MTOR: variants seen among roughly 807,000 people sequenced by gnomAD.
MTOR encodes the protein serine/threonine-protein kinase mTOR.
Under a neutral mutation model 319.8 loss-of-function variants are expected in MTOR, and 70 were observed. The ratio of observed to expected loss-of-function variants is 0.22; its 90% CI spans 0.18 to 0.27. The LOEUF is 0.27. Ranked by LOEUF, MTOR falls within the 10% of genes least tolerant of loss-of-function variation. The probability of loss-of-function intolerance (pLI) is 1.00; values close to 1 mark genes in which losing one functional copy is unlikely to be tolerated. For synonymous variants in MTOR, 1,183 were observed against 1,211.4 expected (o/e 0.98, Z 0.49); for missense variants, 1,890 against 3,274.4 (o/e 0.58, Z 10.32).
At chr1:11,189,811 G>T (rs1367670072) in intron 28 of MTOR, 1 of 1,614,232 alleles carries the variant, frequency 6.2e-7, no homozygotes, top group Non-Finnish European at 8.5e-7. Context: ...GGTCAGCGTG[G>T]TCATGCAGGT....
chr1:11,148,248 A>G (rs948880910), intron 31 of MTOR, among the ~76,000 whole-genome samples: 5 of 152,180 alleles, frequency 3.3e-5, no homozygotes, highest in Non-Finnish European at 7.3e-5. Flanking sequence ...GCTAATGATA[A>G]TAGAGCCAAA....
Position 11,243,234 on chromosome 1 carries a change from G to A in MTOR, c.1292C>T (p.Thr431Ile), listed in dbSNP as rs1648330886. 6.8e-6 allele frequency: 11 copies of A among 1,614,104 alleles called. No individual in the cohort carries two copies. Among genetic ancestry groups the A allele is most frequent in the South Asian group, 1.1e-5 (1 of 91,090 alleles). The change falls in exon 9 of 58, where the codon ACA (threonine) becomes ATA (isoleucine). Residue 431 changes from threonine (T) to isoleucine (I), a missense_variant. Around this residue, in one of 15 missense-constraint regions of MTOR, gnomAD observed 418 missense variants for 543.1 expected, o/e 0.77. Coordinates refer to ENST00000361445, the MANE Select transcript of MTOR (RefSeq NM_004958.4). ...LSCVKKEKER[T>I]AAFQALGLLS... ...TAGCCCCAGGGCTTGGAAGGCCGCT[G>A]TACGTTCCTTCTCCTTCTTGACACA...
intron 19 of MTOR, among the ~76,000 whole-genome samples, chr1:11,220,159 A>C (rs965430921): frequency 6.6e-6 from 1 of 152,032 alleles, no homozygotes; most frequent in African/African-American, 2.4e-5. Context: ...CCTCACATTC[A>C]GGAAGCCCTC....
intron 28 of MTOR, among the ~76,000 whole-genome samples, chr1:11,179,529 T>C (rs1406460783): frequency 2.0e-5 from 3 of 152,254 alleles, no homozygotes; most frequent in Non-Finnish European, 4.4e-5. Context: ...TCTGTCCTTT[T>C]GGCCAGCTTT....
At position 11,199,158 on chromosome 1, in the gene MTOR, G is replaced by A. The variant is rs758246664; in HGVS notation, c.4253+100C>T. 3 of 1,481,822 alleles carry A rather than the reference G, an allele frequency of 2.0e-6. No homozygotes were observed. The highest frequency in any genetic ancestry group is 3.5e-5 in the Admixed American group (2 of 57,760). 91.8% of individuals were successfully genotyped at this position (1,481,822 alleles called of 1,614,324 possible). ...CAGACCCAGAGGCAGATTTCACAGA[G>A]CAGAAGTCTTCAAGTGACTCCAGTG... On this transcript the variant is annotated intron_variant, in intron 28 of 57. Coordinates refer to ENST00000361445, the MANE Select transcript of MTOR (RefSeq NM_004958.4). This position sits in a 1 kb window ranked among gnomAD's most constrained non-coding sequence, Gnocchi z 4.5.
intron 29 of MTOR, among the ~76,000 whole-genome samples, chr1:11,160,308 C>A (rs1187332644): frequency 6.6e-6 from 1 of 152,064 alleles, no homozygotes; most frequent in African/African-American, 2.4e-5. Context: ...CCATGTTGGT[C>A]AGGCTGGTCT....
At chr1:11,241,796 G>C in intron 9 of MTOR, 115 bp from the exon 10 acceptor site, 1 of 1,191,804 alleles carries the variant, frequency 8.4e-7, no homozygotes, top group Non-Finnish European at 1.2e-6. Context: ...ACCACAGATG[G>C]GTATGCAAAT....
chr1:11,158,628 CA>C (rs1644386582), intron 29 of MTOR, among the ~76,000 whole-genome samples: 1 of 151,200 alleles, frequency 6.6e-6, no homozygotes, highest in African/African-American at 2.4e-5. Flanking sequence ...TGCCTAAATA[CA>C]AAATAGGAAA....
rs575195382 is a variant in MTOR at position 11,125,082 on chromosome 1, G to C, written c.6527-449C>G. Reference sequence around the variant, plus strand: ...CACCAGCCTGGCCCCAGTTCTAGAAGCTACCACTCTCTCTGGACTGTAGAC... The same window carrying C: ...CACCAGCCTGGCCCCAGTTCTAGAACCTACCACTCTCTCTGGACTGTAGAC... On this transcript the variant is annotated intron_variant, in intron 46 of 57. Transcript: ENST00000361445. Among the ~76,000 whole-genome samples the C allele has an allele frequency of 1.9e-4, 29 of 151,994 alleles. No individual in the cohort carries two copies. The South Asian group carries it at 5.8e-3, about 31-fold the overall frequency.
intron 38 of MTOR, 91 bp downstream of exon 38, chr1:11,132,989 C>T: frequency 4.6e-6 from 5 of 1,097,174 alleles, no homozygotes; most frequent in Non-Finnish European, 5.5e-6. Flanking sequence ...ATCAGCCTAG[C>T]TCCGCAGAAG....
At chr1:11,165,826 G>A (rs1202811439) in intron 29 of MTOR, among the ~76,000 whole-genome samples, 4 of 152,286 alleles carry the variant, frequency 2.6e-5, no homozygotes, top group South Asian at 2.1e-4. Context: ...GAGGCATCAC[G>A]CTACCTGACT....
chr1:11,155,947 G>A (rs990991087), intron 30 of MTOR, among the ~76,000 whole-genome samples: 2 of 152,096 alleles, frequency 1.3e-5, no homozygotes, highest in East Asian at 1.9e-4. Flanking sequence ...CCTACTAGTC[G>A]GGAGGTAGCA....
rs1643571452 is a variant in MTOR, at chr1:11,139,221, C to T, written c.5130+83G>A. The T allele has an allele frequency of 3.5e-5, 53 of 1,504,486 alleles. 1 individual carries two copies. The South Asian group carries it at 5.9e-4, about 17-fold the overall frequency. The allele number at this position is 1,504,486 out of a possible 1,614,324, so 93.2% of individuals were successfully genotyped here. ...AGGTGGTTTAAACACTGTTTCTTTTCTGGCCTTAAAGAGGCAGAGCGAAGC... is the reference window on the plus strand; with the variant it reads ...AGGTGGTTTAAACACTGTTTCTTTTTTGGCCTTAAAGAGGCAGAGCGAAGC... On this transcript the variant is annotated intron_variant, in intron 36 of 57. Transcript: ENST00000361445.
rs1414770877 is a variant in MTOR, at chr1:11,218,891, T to C, written c.3031-2657A>G. ...AAAAGCCTAAAATTAAGTACAAAAA[T>C]ATAAACATGATTATAAGATTATTAG... On this transcript the variant is annotated intron_variant, in intron 19 of 57. Coordinates refer to ENST00000361445, the MANE Select transcript of MTOR (RefSeq NM_004958.4). 3.3e-5 allele frequency among the ~76,000 whole-genome samples: 5 copies of C among 152,018 alleles called. No homozygotes were observed. In the East Asian group the frequency reaches 7.7e-4, roughly 23 times the overall value.
chr1:11,225,458 GC>G (rs1201716347), intron 19 of MTOR, among the ~76,000 whole-genome samples: 1 of 140,456 alleles, frequency 7.1e-6, no homozygotes, highest in Non-Finnish European at 1.5e-5. Context: ...ATCTTGCTCT[GC>G]CATCCAGGCT....
chr1:11,157,427 T>C, intron 29 of MTOR, 136 bp from the exon 30 acceptor site: 1 of 1,121,434 alleles, frequency 8.9e-7, no homozygotes, highest in African/African-American at 1.6e-5. Flanking sequence ...TGGGCTTGGA[T>C]TAAAAACAAC....
At chr1:11,259,529 C>T (rs1015200110) in intron 1 of MTOR, 106 bp from the exon 2 acceptor site, 22 of 1,268,368 alleles carry the variant, frequency 1.7e-5, no homozygotes, top group South Asian at 1.3e-4. Flanking sequence ...CCTTGTCAGG[C>T]AGGGGATTCT....
At chr1:11,170,456 C>T (rs1304873568) in intron 28 of MTOR, among the ~76,000 whole-genome samples, 1 of 151,968 alleles carries the variant, frequency 6.6e-6, no homozygotes, top group Non-Finnish European at 1.5e-5. Flanking sequence ...TGGTTCATGC[C>T]TGTAATCCCA....
intron 19 of MTOR, among the ~76,000 whole-genome samples, chr1:11,218,698 GA>G (rs1646558589): frequency 6.6e-6 from 1 of 152,118 alleles, no homozygotes; most frequent in Non-Finnish European, 1.5e-5. Flanking sequence ...AAGGGACATG[GA>G]CAGGCAAGCA....
Sources: gnomAD v4.1 joint callset for allele counts (sites outside exome capture counted in the v4.1 genomes callset) on GRCh38, gnomAD v4.1.1 for gene constraint, gnomAD v4.1.1 regional missense constraint, Gnocchi (gnomAD v3.1) non-coding constraint, MANE v1.5 for transcripts, NCBI Gene and HGNC (gene_info 2026-07-23, HGNC 2026-07-21) for gene names.